MAPRE2: variants seen among roughly 807,000 people sequenced by gnomAD.
MAPRE2 encodes microtubule-associated protein RP/EB family member 2.
Under a neutral mutation model 43.2 loss-of-function variants are expected in MAPRE2, and 13 were observed. The ratio of observed to expected loss-of-function variants is 0.30; its 90% CI spans 0.20 to 0.48. The LOEUF (loss-of-function observed/expected upper bound fraction) is 0.48. Ranked by LOEUF, MAPRE2 falls within the 20% of genes least tolerant of loss-of-function variation. The pLI is 0.99. For missense variants in MAPRE2, 161 were observed against 400.2 expected (o/e 0.40, Z 5.10); for synonymous variants, 135 against 148.8 (o/e 0.91, Z 0.68).
intron 5 of MAPRE2, among the ~76,000 whole-genome samples, chr18:35,130,414 TG>T (rs1910095181): frequency 6.6e-6 from 1 of 152,242 alleles, no homozygotes; most frequent in Non-Finnish European, 1.5e-5. Context: ...AGCAGCCACA[TG>T]GGGGTGTCAG....
rs953028804 is a variant in MAPRE2 at position 35,067,149 on chromosome 18, A to G, written c.123-3046A>G. 3.3e-5 allele frequency among the ~76,000 whole-genome samples: 5 copies of G among 152,192 alleles called. No homozygotes were observed. The East Asian group carries it at 5.8e-4, about 18-fold the overall frequency. On this transcript the variant is annotated intron_variant, in intron 1 of 6. Transcript: ENST00000300249. ...AGGACTACAGCTGTGTTGGCTAGCA[A>G]TGGTGGAGATTTGAGTGGTATGCCT...
At chr18:34,981,818 A>G (rs1184346088) in intron 1 of MAPRE2, among the ~76,000 whole-genome samples, 1 of 152,080 alleles carries the variant, frequency 6.6e-6, no homozygotes, top group Non-Finnish European at 1.5e-5. Flanking sequence ...TTCTCCTTAA[A>G]AAGTAGAAAC....
intron 2 of MAPRE2, among the ~76,000 whole-genome samples, chr18:35,022,802 G>A (rs1028039767): frequency 1.3e-5 from 2 of 152,162 alleles, no homozygotes; most frequent in Non-Finnish European, 2.9e-5. Flanking sequence ...TTCAAAGTAG[G>A]AAAGGCTGCA....
intron 5 of MAPRE2, chr18:35,127,469 C>T (rs901543437): frequency 5.9e-6 from 1 of 168,966 alleles, no homozygotes; most frequent in South Asian, 1.7e-4. Context: ...TTTTTAAAGG[C>T]TGGGTCAGGG....
In MAPRE2 at chr18:35,104,288, A is replaced by G. The variant is rs146212707; in HGVS notation, c.610+2129A>G. 5.4e-3 allele frequency among the ~76,000 whole-genome samples: 829 copies of G among 152,314 alleles called. 6 individuals are homozygous for G. The highest frequency in any genetic ancestry group is 0.018 in the African/African-American group (743 of 41,588). ...TAGGCCTAGATTGCAGCAATTTAAC[A>G]AGGGCTTGTGGAAGTGGAGGCAGTA... On this transcript the variant is annotated intron_variant, in intron 4 of 6. Coordinates refer to ENST00000300249, the MANE Select transcript of MAPRE2 (RefSeq NM_014268.4).
upstream of MAPRE2, among the ~76,000 whole-genome samples, chr18:35,039,181 G>A (rs1185284187): frequency 3.3e-5 from 5 of 152,246 alleles, no homozygotes; most frequent in Non-Finnish European, 7.3e-5. Flanking sequence ...AACATACTCT[G>A]AGGACATTAA....
At chr18:35,016,725 T>C (rs2097038506) in intron 2 of MAPRE2, among the ~76,000 whole-genome samples, 1 of 152,130 alleles carries the variant, frequency 6.6e-6, no homozygotes. Flanking sequence ...GATGCATAGT[T>C]TGTGAATATT....
intron 2 of MAPRE2, among the ~76,000 whole-genome samples, chr18:35,075,392 C>A (rs1907299668): frequency 6.6e-6 from 1 of 152,184 alleles, no homozygotes; most frequent in African/African-American, 2.4e-5. Flanking sequence ...TCCACAGAGA[C>A]CTCTGTCAGG....
At position 34,985,524 on chromosome 18, in the gene MAPRE2, A is replaced by AATATACAATATATATATTATAT. The variant is rs1568962009; in HGVS notation, c.-70+8445_-70+8446insATATACAATATATATATTATAT. On this transcript the variant is annotated intron_variant, in intron 1 of 7. Coordinates refer to the MAPRE2 transcript ENST00000413393. ...ATAATATATAATATATATATTATAT[A>AATATACAATATATATATTATAT]TTATAAATATAATATATAATATATA... Among the ~76,000 whole-genome samples, 462 of 50,738 alleles carry AATATACAATATATATATTATAT rather than the reference A, an allele frequency of 9.1e-3. 66 individuals are homozygous for AATATACAATATATATATTATAT. The highest frequency in any genetic ancestry group is 0.039 in the African/African-American group (446 of 11,474). The allele number at this position is 50,738 out of a possible 152,430, so 33.3% of individuals were successfully genotyped here. A position where few individuals can be genotyped will look rare whatever the true frequency, so the allele number is the denominator to read the frequency against.
intron 1 of MAPRE2, among the ~76,000 whole-genome samples, chr18:35,057,507 C>CGCGT (rs1555914293): frequency 1.3e-5 from 2 of 149,520 alleles, no homozygotes; most frequent in East Asian, 4.0e-4. Flanking sequence ...GGAGTGTGTG[C>CGCGT]GTGTGTGTGT....
intron 2 of MAPRE2, among the ~76,000 whole-genome samples, chr18:35,010,446 C>T (rs1238534373): frequency 6.6e-6 from 1 of 152,164 alleles, no homozygotes; most frequent in Non-Finnish European, 1.5e-5. Flanking sequence ...AGATGTAATA[C>T]ATCTTGTTTG....
intron 4 of MAPRE2, among the ~76,000 whole-genome samples, chr18:35,109,803 T>C (rs938264612): frequency 2.0e-5 from 3 of 152,178 alleles, no homozygotes; most frequent in Admixed American, 6.5e-5. Context: ...GTCCAGCCCA[T>C]TTACATTTCA....
chr18:35,018,149 G>A (rs1432118851), intron 2 of MAPRE2, among the ~76,000 whole-genome samples: 1 of 151,908 alleles, frequency 6.6e-6, no homozygotes, highest in Non-Finnish European at 1.5e-5. Flanking sequence ...TTGCATCCTG[G>A]GAACGAAGCC....
intron 2 of MAPRE2, among the ~76,000 whole-genome samples, chr18:35,019,852 A>G (rs1485942411): frequency 6.6e-6 from 1 of 152,030 alleles, no homozygotes; most frequent in Non-Finnish European, 1.5e-5. Context: ...GGAATTCCTG[A>G]TTGGATATTA....
chr18:35,006,892 G>A (rs2097032114), intron 2 of MAPRE2, among the ~76,000 whole-genome samples: 1 of 152,202 alleles, frequency 6.6e-6, no homozygotes, highest in Non-Finnish European at 1.5e-5. Context: ...GAACCCAGGA[G>A]GCAGAGGTTG....
At chr18:35,065,329 C>T (rs1346089829) in intron 1 of MAPRE2, among the ~76,000 whole-genome samples, 1 of 151,812 alleles carries the variant, frequency 6.6e-6, no homozygotes, top group Non-Finnish European at 1.5e-5. Context: ...GTATTCCCAC[C>T]TTCCAAGAAA....
At chr18:35,027,410 G>T (rs184072196) in intron 2 of MAPRE2, among the ~76,000 whole-genome samples, 1 of 152,258 alleles carries the variant, frequency 6.6e-6, no homozygotes, top group African/African-American at 2.4e-5. Context: ...AGGAGCCCAG[G>T]CCACATGGGG....
At chr18:35,120,093 T>A (rs993321569) in intron 4 of MAPRE2, among the ~76,000 whole-genome samples, 18 of 152,134 alleles carry the variant, frequency 1.2e-4, no homozygotes, top group Non-Finnish European at 2.5e-4. Context: ...GCCACACCAG[T>A]CAGGAAGTAG....
At chr18:35,064,408 C>T (rs1344293268) in intron 1 of MAPRE2, among the ~76,000 whole-genome samples, 1 of 152,068 alleles carries the variant, frequency 6.6e-6, no homozygotes, top group African/African-American at 2.4e-5. Context: ...AGGCAGCCCC[C>T]TCCCCTGAAG....
Sources: gnomAD v4.1 joint callset for allele counts (sites outside exome capture counted in the v4.1 genomes callset) on GRCh38, gnomAD v4.1.1 for gene constraint, MANE v1.5 for transcripts, NCBI Gene and HGNC (gene_info 2026-07-23, HGNC 2026-07-21) for gene names.